Variants in PTPRD observed in about 807,000 individuals in gnomAD.
PTPRD encodes protein tyrosine phosphatase receptor type D, also known as receptor-type tyrosine-protein phosphatase delta.
Under a neutral mutation model 214.5 loss-of-function variants are expected in PTPRD, and 34 were observed. The ratio of observed to expected loss-of-function variants is 0.16; its 90% CI spans 0.12 to 0.21. PTPRD has a LOEUF of 0.21. PTPRD is among the 10% of genes least tolerant of loss of function. The pLI, the probability that PTPRD is intolerant of heterozygous loss-of-function variation, is 1.00. For missense variants in PTPRD, 2,545 were observed against 2,398.7 expected, an observed-to-expected ratio of 1.06 and a Z score of -1.27; for synonymous variants, 1,128 against 845.7, an observed-to-expected ratio of 1.33 and a Z score of -5.79.
chr9:8,774,527 CTTTT>C (rs564318443), intron 11 of PTPRD, among the ~76,000 whole-genome samples: 46,135 of 104,352 alleles, frequency 0.44, 7,576 homozygotes, highest in Middle Eastern at 0.54. Flanking sequence ...TGAAAAGTAA[CTTTT>C]TTTTTTTTTT....
chr9:8,625,338 T>C (rs180747307), intron 14 of PTPRD, among the ~76,000 whole-genome samples: 1 of 151,934 alleles, frequency 6.6e-6, no homozygotes, highest in Non-Finnish European at 1.5e-5. Flanking sequence ...TCTACTATAC[T>C]TAATTTTCTA....
At chr9:10,152,216 G>C (rs72696930) in intron 3 of PTPRD, among the ~76,000 whole-genome samples, 8,139 of 152,168 alleles carry the variant, frequency 0.053, 314 homozygotes, top group Admixed American at 0.11. Context: ...AGTTTTAGTC[G>C]TTCTAGTAAC....
chr9:9,853,580 C>A (rs1341364643), intron 5 of PTPRD, among the ~76,000 whole-genome samples: 1 of 151,582 alleles, frequency 6.6e-6, no homozygotes, highest in African/African-American at 2.4e-5. Context: ...GATGGAGTGT[C>A]ACTCTGTTGC....
intron 12 of PTPRD, chr9:8,713,797 C>A: frequency 6.5e-7 from 1 of 1,533,994 alleles, no homozygotes; most frequent in Non-Finnish European, 8.8e-7. Context: ...GCGCCTTCAG[C>A]ACAAGCCACG....
At chr9:9,498,485 C>T (rs1335120492) in intron 8 of PTPRD, among the ~76,000 whole-genome samples, 2 of 152,070 alleles carry the variant, frequency 1.3e-5, no homozygotes, top group East Asian at 1.9e-4. Context: ...TTCTCCAGAG[C>T]CTTTCATTCT....
chr9:10,407,893 T>C (rs1333617143), intron 2 of PTPRD, among the ~76,000 whole-genome samples: 1 of 151,584 alleles, frequency 6.6e-6, no homozygotes, highest in African/African-American at 2.4e-5. Flanking sequence ...GTTTTGGATA[T>C]AAATTATCAA....
intron 33 of PTPRD, among the ~76,000 whole-genome samples, chr9:8,458,556 A>C (rs1341921620): frequency 1.3e-5 from 2 of 152,162 alleles, no homozygotes; most frequent in African/African-American, 4.8e-5. Context: ...TATTTCCCAG[A>C]AAACAATTAG....
chr9:8,699,760 C>A (rs1422352994), intron 12 of PTPRD, among the ~76,000 whole-genome samples: 2 of 143,432 alleles, frequency 1.4e-5, no homozygotes, highest in African/African-American at 2.7e-5. Context: ...AAGGCCAGTG[C>A]AACGCCCAAA....
chr9:9,233,739 G>A (rs747294811), intron 9 of PTPRD, among the ~76,000 whole-genome samples: 17 of 152,208 alleles, frequency 1.1e-4, no homozygotes, highest in Admixed American at 2.0e-4. Context: ...AAATCCAATA[G>A]GGAAGTCATT....
At chr9:10,301,997 A>C (rs1264712762) in intron 3 of PTPRD, among the ~76,000 whole-genome samples, 1 of 152,216 alleles carries the variant, frequency 6.6e-6, no homozygotes, top group Non-Finnish European at 1.5e-5. Flanking sequence ...AAATGAAGGA[A>C]AAAATGTTAA....
At chr9:9,171,743 T>C (rs1319171015) in intron 10 of PTPRD, among the ~76,000 whole-genome samples, 1 of 152,050 alleles carries the variant, frequency 6.6e-6, no homozygotes, top group Non-Finnish European at 1.5e-5. Flanking sequence ...TTTATATATA[T>C]ATGAAAAATC....
intron 2 of PTPRD, among the ~76,000 whole-genome samples, chr9:10,512,356 T>C (rs1055330995): frequency 2.0e-5 from 3 of 151,804 alleles, no homozygotes; most frequent in South Asian, 4.1e-4. Context: ...GCAATAATCA[T>C]TGAGAGAAAG....
chr9:10,289,983 A>G (rs1041146269), intron 3 of PTPRD, among the ~76,000 whole-genome samples: 1 of 152,172 alleles, frequency 6.6e-6, no homozygotes, highest in African/African-American at 2.4e-5. Flanking sequence ...GTGAAATTTA[A>G]AAGTTGGCAT....
intron 14 of PTPRD, among the ~76,000 whole-genome samples, chr9:8,540,815 A>C (rs2078211973): frequency 6.6e-6 from 1 of 152,216 alleles, no homozygotes; most frequent in Non-Finnish European, 1.5e-5. Context: ...CAAGAGGAAC[A>C]AAATAAAGTG....
chr9:10,003,764 T>A (rs4425814), intron 4 of PTPRD, among the ~76,000 whole-genome samples: 72,898 of 151,382 alleles, frequency 0.48, 20,984 homozygotes, highest in Middle Eastern at 0.67. Flanking sequence ...TAACAACTCA[T>A]GTGGTCCTCA....
chr9:9,427,165 A>G (rs556373529), intron 8 of PTPRD, among the ~76,000 whole-genome samples: 1 of 152,294 alleles, frequency 6.6e-6, no homozygotes, highest in East Asian at 1.9e-4. Flanking sequence ...AAAACCTTGA[A>G]AAAAGATTAG....
chr9:10,494,630 T>A (rs957273604), intron 2 of PTPRD, among the ~76,000 whole-genome samples: 1 of 150,962 alleles, frequency 6.6e-6, no homozygotes, highest in Non-Finnish European at 1.5e-5. Context: ...TGGGGCTTTT[T>A]TTTTTTCACT....
chr9:8,822,070 C>T (rs1414150648), intron 11 of PTPRD, among the ~76,000 whole-genome samples: 1 of 152,198 alleles, frequency 6.6e-6, no homozygotes, highest in Non-Finnish European at 1.5e-5. Flanking sequence ...ACTGTGAAAG[C>T]AGAAAACACA....
intron 5 of PTPRD, among the ~76,000 whole-genome samples, chr9:9,915,396 A>C (rs895462764): frequency 2.6e-5 from 4 of 152,110 alleles, no homozygotes; most frequent in African/African-American, 9.7e-5. Context: ...ATAAGGAAAT[A>C]TATGAAATGC....
Sources: allele counts gnomAD v4.1 joint callset (sites outside exome capture counted in the v4.1 genomes callset), GRCh38; gene constraint gnomAD v4.1.1; transcripts MANE v1.5; gene names NCBI Gene and HGNC (gene_info 2026-07-23, HGNC 2026-07-21).